The following DENND1B variants were observed in gnomAD, a reference collection of about 807,000 sequenced individuals.
DENND1B encodes the protein DENN domain containing 1B.
In DENND1B, 59 loss-of-function variants were observed where a neutral mutation model predicts 90.1. The ratio of observed to expected loss-of-function variants is 0.65; its 90% CI spans 0.53 to 0.81. The LOEUF is 0.81. Ranked by LOEUF, DENND1B falls within the 40% of genes least tolerant of loss-of-function variation. The probability of loss-of-function intolerance (pLI) is 0.00; values close to 1 mark genes in which losing one functional copy is unlikely to be tolerated. For synonymous variants in DENND1B, 337 were observed against 324.6 expected (o/e 1.04, Z -0.41); for missense variants, 862 against 912.6 (o/e 0.94, Z 0.71).
Position 197,508,881 on chromosome 1 carries a change from C to A in DENND1B, c.*1579G>T, listed in dbSNP as rs993026978. On this transcript the variant is annotated 3_prime_UTR_variant, in exon 23 of 23. Transcript: ENST00000620048. ...TTCTCAGATGAATTCCAAAGCTCAA[C>A]AGTGAATTTGAGAAAGAAGAAACAA... is the stretch of plus-strand genomic sequence containing the variant. 2.0e-5 allele frequency: 3 copies of A among 151,640 alleles called. No homozygotes were observed. Among genetic ancestry groups the A allele is most frequent in the Non-Finnish European group, 4.4e-5 (3 of 67,792 alleles). The allele number at this position is 151,640 out of a possible 1,614,324, so 9.4% of individuals were successfully genotyped here.
intron 10 of DENND1B, among the ~76,000 whole-genome samples, chr1:197,636,930 G>C (rs3933162): frequency 0.97 from 147,677 of 152,106 alleles, 71,857 homozygotes; most frequent in East Asian, 1. Flanking sequence ...ATGGCGAGTT[G>C]CATTTTGGCG....
At chr1:197,680,240 C>T (rs2125997681) in intron 3 of DENND1B, among the ~76,000 whole-genome samples, 1 of 152,242 alleles carries the variant, frequency 6.6e-6, no homozygotes, top group Admixed American at 6.5e-5. Context: ...CCACTCTTTT[C>T]CCTTGATGAC....
At chr1:197,629,291 T>C (rs538005232) in intron 10 of DENND1B, among the ~76,000 whole-genome samples, 12 of 152,004 alleles carry the variant, frequency 7.9e-5, no homozygotes, top group African/African-American at 2.7e-4. Flanking sequence ...TGTCCAACAA[T>C]GATAGACTGG....
chr1:197,576,774 CAATG>C (rs1382233879), intron 15 of DENND1B, among the ~76,000 whole-genome samples: 1 of 151,716 alleles, frequency 6.6e-6, no homozygotes, highest in African/African-American at 2.4e-5. Flanking sequence ...TTTTATTACT[CAATG>C]AAAGGTAGAA....
intron 16 of DENND1B, among the ~76,000 whole-genome samples, chr1:197,550,033 G>C (rs1189313411): frequency 6.6e-6 from 1 of 152,042 alleles, no homozygotes; most frequent in Non-Finnish European, 1.5e-5. Flanking sequence ...CAAAAATAGT[G>C]TATAAACTAC....
intron 13 of DENND1B, among the ~76,000 whole-genome samples, chr1:197,604,290 C>T (rs952026803): frequency 2.6e-5 from 4 of 151,120 alleles, no homozygotes; most frequent in Non-Finnish European, 4.4e-5. Context: ...TTTCCCCCTC[C>T]CTTAACGAAA....
At chr1:197,767,326 A>G (rs1655819773) in intron 2 of DENND1B, among the ~76,000 whole-genome samples, 1 of 152,052 alleles carries the variant, frequency 6.6e-6, no homozygotes, top group Non-Finnish European at 1.5e-5. Flanking sequence ...AGTCTAGTGT[A>G]GATAGTATCA....
intron 10 of DENND1B, among the ~76,000 whole-genome samples, chr1:197,618,108 G>C (rs1409725917): frequency 1.3e-5 from 2 of 151,200 alleles, no homozygotes; most frequent in Non-Finnish European, 3.0e-5. Flanking sequence ...AGCATAGTTT[G>C]TGTATCACTC....
At chr1:197,654,509 G>A (rs989623360) in intron 6 of DENND1B, among the ~76,000 whole-genome samples, 25 of 151,870 alleles carry the variant, frequency 1.6e-4, no homozygotes, top group Admixed American at 6.6e-4. Flanking sequence ...ACTTGGGAGA[G>A]TGAGGCAGAA....
At chr1:197,563,292 G>A (rs1206867901) in intron 15 of DENND1B, among the ~76,000 whole-genome samples, 1 of 151,970 alleles carries the variant, frequency 6.6e-6, no homozygotes, top group Non-Finnish European at 1.5e-5. Context: ...TGGCTTCAAG[G>A]CTTCAAAGCT....
intron 16 of DENND1B, among the ~76,000 whole-genome samples, chr1:197,548,473 G>A (rs553352221): frequency 2.0e-5 from 3 of 152,190 alleles, no homozygotes; most frequent in South Asian, 2.1e-4. Flanking sequence ...GAAAGATAAC[G>A]ATTAAACAAT....
At chr1:197,544,604 C>T (rs1670576364) in intron 18 of DENND1B, among the ~76,000 whole-genome samples, 1 of 151,664 alleles carries the variant, frequency 6.6e-6, no homozygotes, top group South Asian at 2.1e-4. Flanking sequence ...TTCCTTGGGC[C>T]ACATTAGAGA....
chr1:197,637,948 G>A (rs1679940046), intron 10 of DENND1B, among the ~76,000 whole-genome samples: 2 of 152,136 alleles, frequency 1.3e-5, no homozygotes, highest in Non-Finnish European at 2.9e-5. Context: ...TGCACTTCGG[G>A]TTTCAGATTA....
intron 10 of DENND1B, among the ~76,000 whole-genome samples, chr1:197,626,744 G>GT (rs1314253667): frequency 6.6e-6 from 1 of 151,942 alleles, no homozygotes. Context: ...CCAGGAGCTG[G>GT]TTTTTTGAAA....
intron 2 of DENND1B, chr1:197,736,184 A>G: frequency 2.1e-6 from 1 of 485,614 alleles, no homozygotes; most frequent in Non-Finnish European, 3.8e-6. Flanking sequence ...AATACTGCAA[A>G]ACAACCCACT....
intron 4 of DENND1B, among the ~76,000 whole-genome samples, chr1:197,673,305 T>G (rs1655715765): frequency 6.6e-6 from 1 of 152,042 alleles, no homozygotes; most frequent in South Asian, 2.1e-4. Flanking sequence ...ATTCCTCAGA[T>G]AAGGTAAAAC....
At chr1:197,670,443 CTGTGTGTGTGTG>C (rs60648023) in intron 5 of DENND1B, among the ~76,000 whole-genome samples, 9 of 99,566 alleles carry the variant, frequency 9.0e-5, no homozygotes, top group East Asian at 3.5e-4. Context: ...GGGGGGAAGA[CTGTGTGTGTGTG>C]TGTGTGTGTG....
chr1:197,554,098 T>TAC (rs1491448542), intron 15 of DENND1B, among the ~76,000 whole-genome samples: 6 of 98,312 alleles, frequency 6.1e-5, no homozygotes, highest in African/African-American at 2.4e-4. Context: ...AATCAATGAT[T>TAC]ATACACACAC....
intron 14 of DENND1B, among the ~76,000 whole-genome samples, chr1:197,589,742 G>A (rs1675020814): frequency 6.6e-6 from 1 of 152,108 alleles, no homozygotes; most frequent in Admixed American, 6.5e-5. Flanking sequence ...TCAAACGGAG[G>A]ACCGGATTAC....
Sources: gnomAD v4.1 joint callset for allele counts (sites outside exome capture counted in the v4.1 genomes callset) on GRCh38, gnomAD v4.1.1 for gene constraint, MANE v1.5 for transcripts, NCBI Gene and HGNC (gene_info 2026-07-23, HGNC 2026-07-21) for gene names.